MYO5A: variants seen among roughly 807,000 people sequenced by gnomAD.
The protein encoded by MYO5A is myosin VA, also known as unconventional myosin-Va.
In MYO5A, 98 loss-of-function variants were observed where a neutral mutation model predicts 249.7. The observed-to-expected ratio is 0.39, with a 90% CI of 0.33 to 0.46. The LOEUF is 0.46. Ranked by LOEUF, MYO5A falls within the 20% of genes least tolerant of loss-of-function variation. MYO5A has a pLI of 0.98. For synonymous variants in MYO5A, 778 were observed against 810.6 expected, an observed-to-expected ratio of 0.96 and a Z score of 0.68; for missense variants, 1,696 against 2,308.8, an observed-to-expected ratio of 0.73 and a Z score of 5.44.
At chr15:52,454,132 TAA>T (rs2076072660) in intron 1 of MYO5A, among the ~76,000 whole-genome samples, 1 of 152,034 alleles carries the variant, frequency 6.6e-6, no homozygotes. Context: ...ATTTTACCTA[TAA>T]AGACATACGT....
intron 35 of MYO5A, 34 bp from the exon 36 acceptor site, chr15:52,328,040 TG>T (rs1202660880): frequency 3.8e-6 from 6 of 1,566,422 alleles, no homozygotes; most frequent in African/African-American, 1.4e-5. Flanking sequence ...TTATATAACA[TG>T]GAAAATTTTC....
At chr15:52,477,027 C>T (rs1408712947) in intron 1 of MYO5A, among the ~76,000 whole-genome samples, 10 of 152,202 alleles carry the variant, frequency 6.6e-5, no homozygotes, top group African/African-American at 9.7e-5. Context: ...CTTTCAGGTA[C>T]GCCAATCAGA....
At chr15:52,527,368 G>A (rs192966809) in intron 1 of MYO5A, among the ~76,000 whole-genome samples, 2 of 151,754 alleles carry the variant, frequency 1.3e-5, no homozygotes, top group East Asian at 3.9e-4. Flanking sequence ...AATTGCATTC[G>A]TTCATATGTT....
chr15:52,461,091 T>C (rs1013558046), intron 1 of MYO5A, among the ~76,000 whole-genome samples: 5 of 152,204 alleles, frequency 3.3e-5, no homozygotes, highest in African/African-American at 1.2e-4. Context: ...TAATTGTGAC[T>C]ACAGGCACGT....
rs562118982 is a variant in MYO5A, at chr15:52,319,045, T to C, written c.5234+15A>G. 82 of 1,613,894 alleles carry C rather than the reference T, an allele frequency of 5.1e-5. No homozygotes were observed. Among genetic ancestry groups the C allele is most frequent in the Non-Finnish European group, 6.9e-5 (81 of 1,179,992 alleles). On this transcript the variant is annotated intron_variant, in intron 39 of 41. Coordinates refer to ENST00000399233, the MANE Select transcript of MYO5A (RefSeq NM_001382347.1). ...CAGCAAAAAGACACTGTCGCAGGTG[T>C]TGGCATTTGCTCACCTGATCTGCAT...
At chr15:52,504,323 T>G (rs1413741097) in intron 1 of MYO5A, among the ~76,000 whole-genome samples, 1 of 152,120 alleles carries the variant, frequency 6.6e-6, no homozygotes, top group Non-Finnish European at 1.5e-5. Context: ...GATAACACTT[T>G]AAAATGCCGT....
chr15:52,316,610 CTTAA>C (rs1482104875), intron 40 of MYO5A, among the ~76,000 whole-genome samples: 1 of 152,146 alleles, frequency 6.6e-6, no homozygotes, highest in African/African-American at 2.4e-5. Context: ...GAGATGGAGG[CTTAA>C]TTAATCATCT....
At chr15:52,467,681 G>A (rs1721005041) in intron 1 of MYO5A, among the ~76,000 whole-genome samples, 1 of 151,982 alleles carries the variant, frequency 6.6e-6, no homozygotes, top group Admixed American at 6.6e-5. Flanking sequence ...CAATCCCCAG[G>A]AAAATAAACT....
At chr15:52,334,584 G>A (rs1301109635) in intron 34 of MYO5A, among the ~76,000 whole-genome samples, 1 of 152,104 alleles carries the variant, frequency 6.6e-6, no homozygotes, top group African/African-American at 2.4e-5. Flanking sequence ...TTCAGTATTT[G>A]TACATCCAAC....
rs534909241 is a variant in MYO5A at position 52,435,957 on chromosome 15, G to T, written c.28-2672C>A. Reference sequence around the variant, plus strand: ...TCTGACACAGAGTTTTCCTCTTGTTGCCCAGGTTGGAGTGCAATGGCATGA... The same window carrying T: ...TCTGACACAGAGTTTTCCTCTTGTTTCCCAGGTTGGAGTGCAATGGCATGA... On this transcript the variant is annotated intron_variant, in intron 1 of 41. Coordinates refer to ENST00000399233, the MANE Select transcript of MYO5A (RefSeq NM_001382347.1). 3.4e-4 allele frequency among the ~76,000 whole-genome samples: 51 copies of T among 152,200 alleles called. No individual in the cohort carries two copies. The East Asian group carries it at 9.3e-3, about 28-fold the overall frequency.
intron 1 of MYO5A, among the ~76,000 whole-genome samples, chr15:52,473,296 C>T (rs2076516768): frequency 6.6e-6 from 1 of 152,048 alleles, no homozygotes; most frequent in African/African-American, 2.4e-5. Flanking sequence ...GGATATTGGC[C>T]CTTTGTCAGA....
At chr15:52,509,841 A>G (rs2077353450) in intron 1 of MYO5A, among the ~76,000 whole-genome samples, 1 of 152,124 alleles carries the variant, frequency 6.6e-6, no homozygotes, top group East Asian at 1.9e-4. Flanking sequence ...TCAATAGCTT[A>G]AAAAGGTCTC....
At chr15:52,513,318 C>T (rs1200137761) in intron 1 of MYO5A, among the ~76,000 whole-genome samples, 2 of 150,846 alleles carry the variant, frequency 1.3e-5, no homozygotes, top group African/African-American at 4.9e-5. Flanking sequence ...ATAATCCCAG[C>T]TACTCAGGAG....
rs144969639 is a variant in MYO5A at position 52,492,278 on chromosome 15, G to A, written c.27+36502C>T. 4.5e-4 allele frequency among the ~76,000 whole-genome samples: 69 copies of A among 152,240 alleles called. 1 individual carries two copies. In the East Asian group the frequency reaches 7.1e-3, roughly 16 times the overall value. ...AAGATTTATTACAGCAAAAAGACAC[G>A]GAGCAAAATCAGCAAAAGTAAAAGG... On this transcript the variant is annotated intron_variant, in intron 1 of 41. Transcript: ENST00000399233.
intron 20 of MYO5A, 102 bp from the exon 21 acceptor site, chr15:52,372,465 G>T: frequency 6.8e-7 from 1 of 1,472,912 alleles, no homozygotes; most frequent in Non-Finnish European, 9.2e-7. Flanking sequence ...TAGAGGAAAA[G>T]ACATAAAAGT....
chr15:52,499,405 T>C (rs562339076), intron 1 of MYO5A, among the ~76,000 whole-genome samples: 1 of 152,242 alleles, frequency 6.6e-6, no homozygotes, highest in Non-Finnish European at 1.5e-5. Flanking sequence ...ACATTTGCTT[T>C]GTTGTGTAAC....
chr15:52,448,957 C>CTTTTTTTTTTTTTTTTTTTTTT (rs145765339), intron 1 of MYO5A, among the ~76,000 whole-genome samples: 2 of 55,594 alleles, frequency 3.6e-5, no homozygotes, highest in Non-Finnish European at 6.3e-5. Flanking sequence ...TCTTGTCTTT[C>CTTTTTTTTTTTTTTTTTTTTTT]TTTTTTTTTT....
intron 1 of MYO5A, among the ~76,000 whole-genome samples, chr15:52,522,155 T>C (rs1004349316): frequency 6.6e-6 from 1 of 152,150 alleles, no homozygotes; most frequent in Non-Finnish European, 1.5e-5. Context: ...TCTGCCCTAA[T>C]GAGCAAGCAT....
chr15:52,351,536 A>G (rs1399758526), intron 27 of MYO5A, 55 bp from the exon 28 acceptor site: 12 of 1,517,422 alleles, frequency 7.9e-6, no homozygotes, highest in Non-Finnish European at 1.1e-5. Flanking sequence ...TTTACGTTGG[A>G]TGCTCAAACT....
Sources: allele counts gnomAD v4.1 joint callset (sites outside exome capture counted in the v4.1 genomes callset), GRCh38; gene constraint gnomAD v4.1.1; transcripts MANE v1.5; gene names NCBI Gene and HGNC (gene_info 2026-07-23, HGNC 2026-07-21).